Variants in MINAR1 observed in about 807,000 individuals in gnomAD.
MINAR1 encodes major intrinsically disordered Notch2-binding receptor 1.
In MINAR1, 40 loss-of-function variants were observed where a neutral mutation model predicts 65.1. That is an observed-to-expected ratio of 0.61 (90% CI 0.48 to 0.80). The LOEUF is 0.80. Ranked by LOEUF, MINAR1 falls within the 30% of genes least tolerant of loss-of-function variation. The pLI, the probability that MINAR1 is intolerant of heterozygous loss-of-function variation, is 0.00. For synonymous variants in MINAR1, 482 were observed against 449.1 expected (o/e 1.07, Z -0.93); for missense variants, 1,128 against 1,148.0 (o/e 0.98, Z 0.25).
At chr15:79,435,274 C>G (rs557772576) in intron 1 of MINAR1, among the ~76,000 whole-genome samples, 2 of 127,464 alleles carry the variant, frequency 1.6e-5, no homozygotes, top group Admixed American at 1.5e-4. Context: ...AAAAATCCGT[C>G]TCAAAAAAAA....
chr15:79,425,804 C>G, the MINAR1 span: 1 of 152,462 alleles, frequency 6.6e-6, no homozygotes, highest in East Asian at 1.9e-4. Flanking sequence ...ACCCAAGCCT[C>G]CTGCCTCCTT....
At chr15:79,419,914 C>G in the MINAR1 span, 1 of 151,880 alleles carries the variant, frequency 6.6e-6, no homozygotes, top group African/African-American at 2.4e-5. Flanking sequence ...GAGAAGAATA[C>G]AAGATCTGAG....
the MINAR1 span, chr15:79,413,780 C>T: frequency 6.6e-6 from 1 of 152,182 alleles, no homozygotes; most frequent in African/African-American, 2.4e-5. Flanking sequence ...GTAAGGATGC[C>T]TTCATACCAA....
At chr15:79,460,942 T>C (rs1895621048) in intron 2 of MINAR1, among the ~76,000 whole-genome samples, 1 of 152,196 alleles carries the variant, frequency 6.6e-6, no homozygotes, top group Admixed American at 6.5e-5. Flanking sequence ...CTGTCAAACT[T>C]TTCTTTATGT....
intron 1 of MINAR1, among the ~76,000 whole-genome samples, chr15:79,452,352 G>A (rs924861569): frequency 2.0e-5 from 3 of 152,044 alleles, no homozygotes; most frequent in African/African-American, 7.2e-5. Flanking sequence ...GAAGCTGTGT[G>A]AGTGTGTCTG....
chr15:79,445,852 A>G (rs567400926), intron 1 of MINAR1, among the ~76,000 whole-genome samples: 13 of 152,282 alleles, frequency 8.5e-5, no homozygotes, highest in African/African-American at 2.9e-4. Context: ...CCAGCCTGTG[A>G]TAGTATTTTT....
At chr15:79,466,221 C>T (rs778426159) in intron 3 of MINAR1, among the ~76,000 whole-genome samples, 10 of 152,192 alleles carry the variant, frequency 6.6e-5, no homozygotes, top group African/African-American at 9.6e-5. Flanking sequence ...CATTATGCCT[C>T]GGCGAGGGAA....
chr15:79,467,520 G>A (rs1471426317), intron 3 of MINAR1, among the ~76,000 whole-genome samples: 2 of 152,194 alleles, frequency 1.3e-5, no homozygotes, highest in Non-Finnish European at 2.9e-5. Flanking sequence ...GCAGACAAAT[G>A]TCAGTGGGGG....
chr15:79,458,108 C>A lies in MINAR1; in HGVS notation c.1961C>A (p.Pro654Gln). 6.2e-7 allele frequency: 1 copy of A among 1,614,148 alleles called. No homozygotes were observed. The highest frequency in any genetic ancestry group is 8.5e-7 in the Non-Finnish European group (1 of 1,180,026). The change falls in exon 2 of 4, where the codon CCG (proline) becomes CAG (glutamine). Residue 654 changes from proline to glutamine, a missense_variant. Transcript: ENST00000305428. ...IDLNSLTSEGPSDDSASPRMF... is the reference protein window; with the variant it reads ...IDLNSLTSEGQSDDSASPRMF... The stretch of plus-strand genomic sequence containing the variant: ...CTGAACTCCTTGACAAGCGAGGGTC[C>A]GTCTGATGACAGTGCCTCTCCCCGG...
intron 1 of MINAR1, among the ~76,000 whole-genome samples, chr15:79,444,075 TTAGAG>T (rs1305789344): frequency 6.6e-6 from 1 of 152,218 alleles, no homozygotes; most frequent in Non-Finnish European, 1.5e-5. Context: ...AGCTCTAGAC[TTAGAG>T]TGTATAGTTA....
chr15:79,419,230 G>A, the MINAR1 span: 2 of 152,210 alleles, frequency 1.3e-5, no homozygotes, highest in African/African-American at 2.4e-5. Flanking sequence ...CCTGCCCCGG[G>A]ATTATTCTCA....
At chr15:79,424,203 T>C in the MINAR1 span, 1 of 152,212 alleles carries the variant, frequency 6.6e-6, no homozygotes, top group Non-Finnish European at 1.5e-5. Flanking sequence ...ATGGAAATAA[T>C]GGGACTCTCA....
the MINAR1 span, chr15:79,423,423 C>A: frequency 2.0e-5 from 3 of 152,204 alleles, no homozygotes; most frequent in Admixed American, 2.0e-4. Context: ...TAGCTGGTTT[C>A]TTTTGAGTGT....
At chr15:79,418,321 G>A in the MINAR1 span, 1 of 152,210 alleles carries the variant, frequency 6.6e-6, no homozygotes, top group Non-Finnish European at 1.5e-5. Context: ...ACAGAGCAAA[G>A]CTATTAAGAG....
intron 1 of MINAR1, among the ~76,000 whole-genome samples, chr15:79,432,938 G>C (rs1264534058): frequency 6.6e-6 from 1 of 152,262 alleles, no homozygotes; most frequent in African/African-American, 2.4e-5. Flanking sequence ...TGACACATCA[G>C]AGGCGCGAAG....
rs1236381816 is a variant in MINAR1 at position 79,446,527 on chromosome 15, ATTTT to A, written c.-50-9568_-50-9565del. The stretch of plus-strand genomic sequence containing the variant: ...TCAGTATTTTAATGATTTTATTTCT[ATTTT>A]TTAGTCTATAATTGTGTTCTTAAAA... On this transcript the variant is annotated intron_variant, in intron 1 of 3. Transcript: ENST00000305428. 3.9e-5 allele frequency among the ~76,000 whole-genome samples: 6 copies of A among 151,920 alleles called. No homozygotes were observed. In the East Asian group the frequency reaches 1.2e-3, roughly 29 times the overall value.
intron 3 of MINAR1, among the ~76,000 whole-genome samples, chr15:79,464,239 C>T (rs1202488165): frequency 4.6e-5 from 7 of 152,170 alleles, no homozygotes; most frequent in Admixed American, 1.3e-4. Flanking sequence ...AGTCCCTCCA[C>T]CTGTTAAATG....
At chr15:79,441,189 C>T (rs11639475) in intron 1 of MINAR1, among the ~76,000 whole-genome samples, 16,893 of 151,980 alleles carry the variant, frequency 0.11, 1,152 homozygotes, top group South Asian at 0.16. Flanking sequence ...TATAAAATCA[C>T]ATATTTAGAA....
At chr15:79,451,536 G>C (rs781534781) in intron 1 of MINAR1, among the ~76,000 whole-genome samples, 3 of 152,170 alleles carry the variant, frequency 2.0e-5, no homozygotes, top group Non-Finnish European at 4.4e-5. Flanking sequence ...CCTGGGCTAC[G>C]GTGTTGGCTT....
Sources: allele counts gnomAD v4.1 joint callset (sites outside exome capture counted in the v4.1 genomes callset), GRCh38; gene constraint gnomAD v4.1.1; transcripts MANE v1.5; gene names NCBI Gene and HGNC (gene_info 2026-07-23, HGNC 2026-07-21).